Variants in LPP observed in about 807,000 individuals in gnomAD.
LPP encodes lipoma-preferred partner.
Under a neutral mutation model 60.4 loss-of-function variants are expected in LPP, and 38 were observed. That is an observed-to-expected ratio of 0.63 (90% CI 0.49 to 0.83). The LOEUF (loss-of-function observed/expected upper bound fraction) is 0.83, where lower values mean the gene tolerates loss of function less well. Among genes scored for constraint, LPP ranks in the 40% least tolerant of loss-of-function variants. The pLI is 0.00. For missense variants in LPP, 902 were observed against 783.6 expected, an observed-to-expected ratio of 1.15 and a Z score of -1.80; for synonymous variants, 328 against 290.8, an observed-to-expected ratio of 1.13 and a Z score of -1.30.
chr3:188,556,780 C>T (rs2378398), intron 6 of LPP, among the ~76,000 whole-genome samples: 87,282 of 151,354 alleles, frequency 0.58, 26,046 homozygotes, highest in East Asian at 0.93. Context: ...GGCTTGAAAT[C>T]CAGGTTTCTG....
intron 4 of LPP, among the ~76,000 whole-genome samples, chr3:188,445,899 A>T (rs1240799627): frequency 1.3e-5 from 2 of 152,214 alleles, no homozygotes; most frequent in African/African-American, 4.8e-5. Context: ...GTGATACAGG[A>T]TAGATGTAAT....
At position 188,886,673 on chromosome 3, in the gene LPP, A is replaced by G. The variant is rs1032034827; in HGVS notation, c.*12194A>G. 7 of 219,092 alleles carry G rather than the reference A, an allele frequency of 3.2e-5. No individual in the cohort carries two copies. The highest frequency in any genetic ancestry group is 1.6e-4 in the African/African-American group (7 of 44,054). 13.6% of individuals were successfully genotyped at this position (219,092 alleles called of 1,614,324 possible). On this transcript the variant is annotated 3_prime_UTR_variant, in exon 12 of 12. Coordinates refer to ENST00000617246, the MANE Select transcript of LPP (RefSeq NM_001375462.1). ...AAATTTTCGTATTTCACTTTACATA[A>G]TATGTTCTCCCATATTTAGGGATCA...
At chr3:188,328,668 A>G (rs1002317949) in intron 2 of LPP, among the ~76,000 whole-genome samples, 2 of 152,218 alleles carry the variant, frequency 1.3e-5, no homozygotes, top group Non-Finnish European at 2.9e-5. Flanking sequence ...GCAGCTGTCA[A>G]TTTAAACAGT....
At chr3:188,431,896 T>A (rs1436356781) in intron 4 of LPP, among the ~76,000 whole-genome samples, 1 of 152,208 alleles carries the variant, frequency 6.6e-6, no homozygotes, top group Non-Finnish European at 1.5e-5. Context: ...ACATGGGTCA[T>A]AGTCTCCGCA....
chr3:188,295,104 G>A (rs1156440310), intron 2 of LPP, among the ~76,000 whole-genome samples: 1 of 152,210 alleles, frequency 6.6e-6, no homozygotes, highest in Non-Finnish European at 1.5e-5. Flanking sequence ...CTGAAGGAGA[G>A]CTGTGTTGCT....
At chr3:188,526,585 G>A (rs967815139) in intron 6 of LPP, among the ~76,000 whole-genome samples, 13 of 152,130 alleles carry the variant, frequency 8.5e-5, no homozygotes, top group Admixed American at 6.5e-4. Context: ...GCCACTGTGC[G>A]TAGCTGCTGT....
chr3:188,216,116 C>T (rs1246616322), intron 1 of LPP, among the ~76,000 whole-genome samples: 1 of 152,080 alleles, frequency 6.6e-6, no homozygotes, highest in Non-Finnish European at 1.5e-5. Context: ...CTATTAGCAT[C>T]TTTTGTCAGG....
intron 1 of LPP, among the ~76,000 whole-genome samples, chr3:188,223,324 G>A (rs1475190903): frequency 6.6e-6 from 1 of 152,064 alleles, no homozygotes; most frequent in Non-Finnish European, 1.5e-5. Flanking sequence ...CCGGGTGGGG[G>A]GGATAAATGG....
chr3:188,179,059 AGAGAGAGT>A (rs1724020758), intron 1 of LPP: 4 of 317,592 alleles, frequency 1.3e-5, no homozygotes, highest in South Asian at 4.8e-5. Context: ...AGAGAGAGAG[AGAGAGAGT>A]GAGCAAGAGA....
intron 2 of LPP, among the ~76,000 whole-genome samples, chr3:188,314,886 T>G (rs1315381301): frequency 6.6e-6 from 1 of 152,182 alleles, no homozygotes; most frequent in African/African-American, 2.4e-5. Context: ...TGATAACATT[T>G]ACATGGGTTA....
chr3:188,881,486 G>A lies in LPP; in HGVS notation c.*7007G>A, dbSNP rs1357282105. The stretch of plus-strand genomic sequence containing the variant: ...AGTTCACCATGAGTCAGGCTAGGTT[G>A]AAAGGCTTTCTTTAGGGTTGAAAGT... On this transcript the variant is annotated 3_prime_UTR_variant, in exon 12 of 12. Coordinates refer to ENST00000617246, the MANE Select transcript of LPP (RefSeq NM_001375462.1). The A allele has an allele frequency of 4.7e-6, 1 of 212,166 alleles. No homozygotes were observed. Among genetic ancestry groups the A allele is most frequent in the Admixed American group, 5.9e-5 (1 of 17,052 alleles). 13.1% of individuals were successfully genotyped at this position (212,166 alleles called of 1,614,324 possible).
chr3:188,189,992 G>A lies in LPP; in HGVS notation c.-189-35413G>A, dbSNP rs1727701297. 2.0e-5 allele frequency among the ~76,000 whole-genome samples: 3 copies of A among 152,144 alleles called. 1 individual carries two copies. The South Asian group carries it at 6.2e-4, about 32-fold the overall frequency. On this transcript the variant is annotated intron_variant, in intron 1 of 11. Transcript: ENST00000617246. Reference sequence around the variant, plus strand: ...GGTGCATAACTTGTGTGGAGAAATGGCCAATATTTTTTTTACTCCTCCCAC... The same window carrying A: ...GGTGCATAACTTGTGTGGAGAAATGACCAATATTTTTTTTACTCCTCCCAC...
At chr3:188,466,096 T>TA (rs1452904508) in intron 4 of LPP, among the ~76,000 whole-genome samples, 1 of 152,158 alleles carries the variant, frequency 6.6e-6, no homozygotes. Context: ...GCCTGGTGAC[T>TA]ACTCATTTGT....
rs563701754 is a variant in LPP at position 188,448,672 on chromosome 3, T to A, written c.194-35920T>A. 5.9e-5 allele frequency among the ~76,000 whole-genome samples: 9 copies of A among 152,150 alleles called. No individual in the cohort carries two copies. In the South Asian group the frequency reaches 1.9e-3, roughly 32 times the overall value. On this transcript the variant is annotated intron_variant, in intron 4 of 11. Coordinates refer to ENST00000617246, the MANE Select transcript of LPP (RefSeq NM_001375462.1). ...GTGGACTAATCTCACCTCTGGAAAT[T>A]TGTGTGGCCTGTGCTATAACTGAGA... is the stretch of plus-strand genomic sequence containing the variant.
At chr3:188,495,118 TA>T (rs1451739953) in intron 5 of LPP, among the ~76,000 whole-genome samples, 8 of 122,908 alleles carry the variant, frequency 6.5e-5, no homozygotes, top group African/African-American at 1.7e-4. Flanking sequence ...TTTATATATT[TA>T]TATTTATATT....
intron 6 of LPP, among the ~76,000 whole-genome samples, chr3:188,549,620 G>A (rs1305458310): frequency 2.6e-5 from 4 of 152,038 alleles, no homozygotes; most frequent in Non-Finnish European, 5.9e-5. Flanking sequence ...TTATCTCCTT[G>A]TCTCCAGAGT....
At chr3:188,242,383 CAGAG>C (rs887912849) in intron 2 of LPP, among the ~76,000 whole-genome samples, 64 of 147,856 alleles carry the variant, frequency 4.3e-4, no homozygotes, top group African/African-American at 1.4e-3. Context: ...AAGAGAGAGA[CAGAG>C]AGAGAGAGAG....
rs11448997 is a variant in LPP at position 188,878,759 on chromosome 3, T to TAAAAAAAAAAAAAAAAAAAAAAAAAAAA, written c.*4296_*4297insAAAAAAAAAAAAAAAAAAAAAAAAAAAA. On this transcript the variant is annotated 3_prime_UTR_variant, in exon 12 of 12. Coordinates refer to ENST00000617246, the MANE Select transcript of LPP (RefSeq NM_001375462.1). The stretch of plus-strand genomic sequence containing the variant: ...ATATACTCACCAAAAAGTAAAAAAG[T>TAAAAAAAAAAAAAAAAAAAAAAAAAAAA]AAAAAAAAAAAAAAAAGAAAGAAAG... 1 of 153,948 alleles carries TAAAAAAAAAAAAAAAAAAAAAAAAAAAA rather than the reference T, an allele frequency of 6.5e-6. No homozygotes were observed. Among genetic ancestry groups the TAAAAAAAAAAAAAAAAAAAAAAAAAAAA allele is most frequent in the Non-Finnish European group, 1.3e-5 (1 of 76,412 alleles). The allele number at this position is 153,948 out of a possible 1,614,324, so 9.5% of individuals were successfully genotyped here.
intron 2 of LPP, among the ~76,000 whole-genome samples, chr3:188,279,175 C>T (rs542570219): frequency 1.2e-3 from 177 of 152,284 alleles, no homozygotes; most frequent in Non-Finnish European, 2.3e-3. Context: ...CTCCAAGGCA[C>T]AGCCATGGAA....
Sources: gnomAD v4.1 joint callset for allele counts (sites outside exome capture counted in the v4.1 genomes callset) on GRCh38, gnomAD v4.1.1 for gene constraint, MANE v1.5 for transcripts, NCBI Gene and HGNC (gene_info 2026-07-23, HGNC 2026-07-21) for gene names.